Variants in MRC2 observed in about 807,000 individuals in gnomAD.
MRC2 encodes mannose receptor C-type 2.
A neutral mutation model predicts 206.2 loss-of-function variants in MRC2; 84 were observed. The observed-to-expected ratio is 0.41, with a 90% CI of 0.34 to 0.49. The LOEUF (loss-of-function observed/expected upper bound fraction) is 0.49, where lower values mean the gene tolerates loss of function less well. Ranked by LOEUF, MRC2 falls within the 20% of genes least tolerant of loss-of-function variation. The probability of loss-of-function intolerance (pLI) is 0.31; values close to 1 mark genes in which losing one functional copy is unlikely to be tolerated. For synonymous variants in MRC2, 798 were observed against 800.0 expected (o/e 1.00, Z 0.04); for missense variants, 1,676 against 2,001.5 (o/e 0.84, Z 3.10).
In MRC2 at chr17:62,688,357, A is replaced by G; in HGVS notation, c.3015A>G (p.Glu1005=). ...GGTCAGAGGCACAGTTCTCCTGTGA[A>G]CAGCAAGAGGCCCAGCTGGTCACCA... ...VKWSEAQFSC[E]QQEAQLVTIT... The change falls in exon 21 of 30, where the codon GAA becomes GAG. Residue 1005 remains glutamate, a synonymous_variant. Transcript: ENST00000303375. 1 of 1,614,218 alleles carries G rather than the reference A, an allele frequency of 6.2e-7. No homozygotes were observed. Among genetic ancestry groups the G allele is most frequent in the Non-Finnish European group, 8.5e-7 (1 of 1,180,030 alleles).
chr17:62,637,590 G>T (rs1272626813), intron 1 of MRC2, among the ~76,000 whole-genome samples: 1 of 151,334 alleles, frequency 6.6e-6, no homozygotes, highest in Non-Finnish European at 1.5e-5. Context: ...CTCAGTGCTT[G>T]TGCAGGTCAA....
intron 1 of MRC2, among the ~76,000 whole-genome samples, chr17:62,645,206 C>T (rs2088460465): frequency 1.3e-5 from 2 of 151,860 alleles, no homozygotes; most frequent in Admixed American, 6.6e-5. Context: ...CATTTACTAA[C>T]GGTAAATTTA....
Position 62,666,774 on chromosome 17 carries a change from A to G in MRC2, c.877A>G (p.Ser293Gly). 6.2e-7 allele frequency: 1 copy of G among 1,613,794 alleles called. No homozygotes were observed. Among genetic ancestry groups the G allele is most frequent in the South Asian group, 1.1e-5 (1 of 91,074 alleles). The change falls in exon 5 of 30, where the codon AGC (serine) becomes GGC (glycine). Residue 293 changes from serine (S) to glycine (G), a missense_variant. Physicochemically the swap from Ser to Gly is moderately conservative, Grantham distance 56 (BLOSUM62 0). Around this residue, in one of 3 missense-constraint regions of MRC2, gnomAD observed 1,354 missense variants for 1,636.6 expected, o/e 0.83. Coordinates refer to ENST00000303375, the MANE Select transcript of MRC2 (RefSeq NM_006039.5). This position sits in a 1 kb window ranked among gnomAD's most constrained non-coding sequence, Gnocchi z 5.0. ...GCTGTCAGGCCTCCTCACTGGGTAC[A>G]GCTCCACCCTGTGGATCGGCTTGAA... ...TYINGLLTGY[S>G]STLWIGLNDL...
At chr17:62,643,554 G>A (rs1046936409) in intron 1 of MRC2, among the ~76,000 whole-genome samples, 19 of 152,016 alleles carry the variant, frequency 1.2e-4, no homozygotes, top group African/African-American at 3.9e-4. Context: ...TGAGAAAAAC[G>A]CAGGAACCTG....
intron 20 of MRC2, among the ~76,000 whole-genome samples, chr17:62,685,924 CTTCT>C (rs1319971255): frequency 6.6e-6 from 1 of 152,162 alleles, no homozygotes; most frequent in East Asian, 1.9e-4. Flanking sequence ...GTTCTGTGCC[CTTCT>C]TTGTGTCCCT....
chr17:62,628,132 C>G (rs934290205), intron 1 of MRC2, among the ~76,000 whole-genome samples: 1 of 151,320 alleles, frequency 6.6e-6, no homozygotes, highest in African/African-American at 2.4e-5. Context: ...GGGGGAGGAC[C>G]TGAGTGGAAC....
chr17:62,673,078 A>G (rs2088847579), intron 8 of MRC2, among the ~76,000 whole-genome samples: 1 of 152,206 alleles, frequency 6.6e-6, no homozygotes, highest in Non-Finnish European at 1.5e-5. Flanking sequence ...CTGCTGTCAC[A>G]TACTGCAAAC....
Position 62,681,116 on chromosome 17 carries a change from G to T in MRC2, c.2689G>T (p.Asp897Tyr), listed in dbSNP as rs1172928956. ...WWIGLHTSES[D>Y]GRFRWTDGSI... ...GATCGGCCTGCACACCTCTGAGAGC[G>T]ATGGGCGCTTCAGGTAGGAACCCAG... The change falls in exon 18 of 30, where the codon GAT becomes TAT. Residue 897 changes from aspartate (D) to tyrosine (Y), a missense_variant. Around this residue, in one of 3 missense-constraint regions of MRC2, gnomAD observed 1,354 missense variants for 1,636.6 expected, o/e 0.83. Transcript: ENST00000303375. The T allele has an allele frequency of 6.2e-7, 1 of 1,613,634 alleles. No individual in the cohort carries two copies. Among genetic ancestry groups the T allele is most frequent in the Non-Finnish European group, 8.5e-7 (1 of 1,179,982 alleles).
Position 62,681,143 on chromosome 17 carries a change from C to A in MRC2, c.2702+14C>A, listed in dbSNP as rs375577915. On this transcript the variant is annotated intron_variant, in intron 18 of 29. Coordinates refer to ENST00000303375, the MANE Select transcript of MRC2 (RefSeq NM_006039.5). ...TGGGCGCTTCAGGTAGGAACCCAGG[C>A]AGGCAGCAGATGTGGAAGGGGGCTG... The A allele has an allele frequency of 2.5e-6, 4 of 1,612,644 alleles. No individual in the cohort carries two copies. Among genetic ancestry groups the A allele is most frequent in the Non-Finnish European group, 3.4e-6 (4 of 1,179,570 alleles).
At chr17:62,669,655 C>A (rs1025727935) in intron 6 of MRC2, among the ~76,000 whole-genome samples, 1 of 151,854 alleles carries the variant, frequency 6.6e-6, no homozygotes, top group Non-Finnish European at 1.5e-5. Flanking sequence ...CAGGTTCAAG[C>A]GATTCTCATG....
intron 1 of MRC2, among the ~76,000 whole-genome samples, chr17:62,650,834 A>T (rs2088547442): frequency 6.6e-6 from 1 of 152,156 alleles, no homozygotes; most frequent in Non-Finnish European, 1.5e-5. Flanking sequence ...TGGTGTAATG[A>T]TCACTAACTT....
Position 62,664,816 on chromosome 17 carries a change from G to A in MRC2, c.387G>A (p.Gln129=), listed in dbSNP as rs750000985. ...GGCATTGTCGTACACTGGGTGACCA[G>A]CTGTCCTTGCTCCTGGGGGCCCGCA... The part of the protein sequence containing the change: ...LRWHCRTLGD[Q]LSLLLGARTS... Residue 129 remains glutamine, a synonymous_variant, in exon 2 of 30, where the codon CAG becomes CAA. Coordinates refer to ENST00000303375, the MANE Select transcript of MRC2 (RefSeq NM_006039.5). This position sits in a 1 kb window ranked among gnomAD's most constrained non-coding sequence, Gnocchi z 4.7. 5.0e-6 allele frequency: 8 copies of A among 1,613,760 alleles called. No individual in the cohort carries two copies. Among genetic ancestry groups the A allele is most frequent in the Non-Finnish European group, 6.8e-6 (8 of 1,180,048 alleles).
At chr17:62,663,132 G>A (rs567352064) in intron 1 of MRC2, among the ~76,000 whole-genome samples, 1 of 152,052 alleles carries the variant, frequency 6.6e-6, no homozygotes, top group South Asian at 2.1e-4. Context: ...ACTGGGCGTG[G>A]GACACTGGGA....
rs1203009213 is a variant in MRC2, at chr17:62,635,187, T to TTC, written c.118+7271_118+7272dup. Among the ~76,000 whole-genome samples, 25 of 140,074 alleles carry TTC rather than the reference T, an allele frequency of 1.8e-4. 1 individual carries two copies. Among genetic ancestry groups the TTC allele is most frequent in the African/African-American group, 6.4e-4 (23 of 35,678 alleles). 91.9% of individuals were successfully genotyped at this position (140,074 alleles called of 152,430 possible). On this transcript the variant is annotated intron_variant, in intron 1 of 29. Coordinates refer to ENST00000303375, the MANE Select transcript of MRC2 (RefSeq NM_006039.5). ...TGAACCTGTTACTTCATTGCTATTT[T>TTC]TCTCTTTTTTTTTTTTTTTTTTTTT...
intron 17 of MRC2, 46 bp from the exon 18 acceptor site, chr17:62,681,016 A>T: frequency 6.2e-7 from 1 of 1,612,244 alleles, no homozygotes. Flanking sequence ...GCCCGGGATG[A>T]GGGCAGGGGG....
intron 1 of MRC2, among the ~76,000 whole-genome samples, chr17:62,656,004 C>T (rs1054138519): frequency 6.6e-6 from 1 of 152,100 alleles, no homozygotes; most frequent in African/African-American, 2.4e-5. Context: ...TTCCTCCTGC[C>T]TCAGACTCCC....
In MRC2 at chr17:62,691,031, C is replaced by T. The variant is rs753363212; in HGVS notation, c.4095C>T (p.Ser1365=). ...GPPGLGPSML[S]HNSCYWIQSN... ...CGGGCTTGGGCCCCAGCATGCTGAG[C>T]CACAACAGCTGCTACTGGATTCAGA... The change falls in exon 28 of 30, where the codon AGC becomes AGT. Residue 1365 remains serine (S), a synonymous_variant. Transcript: ENST00000303375. The T allele has an allele frequency of 1.2e-6, 2 of 1,609,592 alleles. No individual in the cohort carries two copies. The highest frequency in any genetic ancestry group is 2.2e-5 in the East Asian group (1 of 44,756).
At chr17:62,663,167 CTCTG>C (rs565102636) in intron 1 of MRC2, among the ~76,000 whole-genome samples, 31 of 151,982 alleles carry the variant, frequency 2.0e-4, no homozygotes, top group African/African-American at 3.6e-4. Flanking sequence ...GTCTCTAAGA[CTCTG>C]TCTGTCTTTT....
chr17:62,640,017 C>CTTTTTTTTTTTTTT lies in MRC2; in HGVS notation c.118+12108_118+12121dup, dbSNP rs56703312. Among the ~76,000 whole-genome samples, 364 of 74,342 alleles carry CTTTTTTTTTTTTTT rather than the reference C, an allele frequency of 4.9e-3. 1 individual carries two copies. The highest frequency in any genetic ancestry group is 8.5e-3 in the Middle Eastern group (1 of 118). 48.8% of individuals were successfully genotyped at this position (74,342 alleles called of 152,430 possible). A position where few individuals can be genotyped will look rare whatever the true frequency, so the allele number is the denominator to read the frequency against. The stretch of plus-strand genomic sequence containing the variant: ...TACAGGCACCTGCCACCATGCCCAG[C>CTTTTTTTTTTTTTT]TTTTTTTTTTTTTTTTTTTTTTTTG... On this transcript the variant is annotated intron_variant, in intron 1 of 29. Coordinates refer to ENST00000303375, the MANE Select transcript of MRC2 (RefSeq NM_006039.5).
Sources: gnomAD v4.1 joint callset for allele counts (sites outside exome capture counted in the v4.1 genomes callset) on GRCh38, gnomAD v4.1.1 for gene constraint, gnomAD v4.1.1 regional missense constraint, Gnocchi (gnomAD v3.1) non-coding constraint, MANE v1.5 for transcripts, NCBI Gene and HGNC (gene_info 2026-07-23, HGNC 2026-07-21) for gene names.